The following FRMD6 variants were observed in gnomAD, a reference collection of about 807,000 sequenced individuals.
The protein encoded by FRMD6 is FERM domain containing 6.
Under a neutral mutation model 73.2 loss-of-function variants are expected in FRMD6, and 37 were observed. The ratio of observed to expected loss-of-function variants is 0.51; its 90% CI spans 0.39 to 0.66. The LOEUF (loss-of-function observed/expected upper bound fraction) is 0.66, where lower values mean the gene tolerates loss of function less well. Ranked by LOEUF, FRMD6 falls within the 30% of genes least tolerant of loss-of-function variation. The probability of loss-of-function intolerance (pLI) is 0.00; values close to 1 mark genes in which losing one functional copy is unlikely to be tolerated. For missense variants in FRMD6, 714 were observed against 780.5 expected (o/e 0.91, Z 1.02); for synonymous variants, 273 against 282.2 (o/e 0.97, Z 0.33).
At chr14:51,486,943 T>C (rs998918834), upstream of FRMD6, among the ~76,000 whole-genome samples, 4 of 152,112 alleles carry the variant, frequency 2.6e-5, no homozygotes, top group African/African-American at 9.7e-5. Flanking sequence ...ACCGTTTTTT[T>C]TTTTTTGTTT....
intron 1 of FRMD6, among the ~76,000 whole-genome samples, chr14:51,503,269 T>C (rs1018831358): frequency 5.9e-5 from 9 of 152,228 alleles, no homozygotes; most frequent in African/African-American, 2.2e-4. Context: ...ATTTTTGTCT[T>C]GTACTGGTTT....
chr14:51,512,179 C>G (rs898146634), intron 1 of FRMD6, among the ~76,000 whole-genome samples: 6 of 152,094 alleles, frequency 3.9e-5, no homozygotes, highest in Non-Finnish European at 5.9e-5. Flanking sequence ...AAAGGGTTGG[C>G]ATGCAGCTGG....
intron 2 of FRMD6, among the ~76,000 whole-genome samples, chr14:51,574,723 A>ATAGT (rs1888314867): frequency 6.6e-6 from 1 of 152,230 alleles, no homozygotes; most frequent in African/African-American, 2.4e-5. Flanking sequence ...GTACAAAAAT[A>ATAGT]TAGTTAGATA....
At chr14:51,706,982 T>C (rs1417630881) in intron 6 of FRMD6, among the ~76,000 whole-genome samples, 1 of 152,142 alleles carries the variant, frequency 6.6e-6, no homozygotes, top group Non-Finnish European at 1.5e-5. Flanking sequence ...GCTCATTGAA[T>C]ATTGATTATT....
chr14:51,432,983 A>G, the FRMD6 span, among the ~76,000 whole-genome samples: 1 of 152,240 alleles, frequency 6.6e-6, no homozygotes, highest in East Asian at 1.9e-4. Context: ...ACACTCACTC[A>G]TAATTAGAGG....
chr14:51,624,956 C>A (rs779363854), intron 2 of FRMD6, among the ~76,000 whole-genome samples: 12 of 152,120 alleles, frequency 7.9e-5, no homozygotes, highest in Non-Finnish European at 1.5e-4. Flanking sequence ...GGGAAAATGT[C>A]AAGTTGTCCA....
chr14:51,424,711 GTC>G, the FRMD6 span, among the ~76,000 whole-genome samples: 1 of 152,190 alleles, frequency 6.6e-6, no homozygotes, highest in Non-Finnish European at 1.5e-5. Context: ...AGGAATTTCT[GTC>G]TCTCATTCTT....
upstream of FRMD6, among the ~76,000 whole-genome samples, chr14:51,649,226 C>T (rs1892219817): frequency 6.6e-6 from 1 of 152,012 alleles, no homozygotes; most frequent in Non-Finnish European, 1.5e-5. Context: ...GTTTAAAATA[C>T]TTAGTTTGCA....
At chr14:51,607,896 C>T (rs1489268986) in intron 2 of FRMD6, among the ~76,000 whole-genome samples, 1 of 152,230 alleles carries the variant, frequency 6.6e-6, no homozygotes, top group Non-Finnish European at 1.5e-5. Flanking sequence ...TTTCCCATCT[C>T]ACAGTCACAG....
intron 2 of FRMD6, chr14:51,637,467 A>G (rs1467525): frequency 0.36 from 45,258 of 126,316 alleles, 7,111 homozygotes; most frequent in African/African-American, 0.47. Context: ...ACACACAGGC[A>G]CACACACACA....
chr14:51,416,602 TGTG>T, the FRMD6 span, among the ~76,000 whole-genome samples: 1 of 152,182 alleles, frequency 6.6e-6, no homozygotes, highest in African/African-American at 2.4e-5. Context: ...ATAAGTGCGA[TGTG>T]GTGCTGAGAA....
intron 1 of FRMD6, among the ~76,000 whole-genome samples, chr14:51,686,520 T>A (rs532992415): frequency 5.9e-5 from 9 of 152,180 alleles, no homozygotes; most frequent in African/African-American, 2.2e-4. Context: ...AAAGTTCCAG[T>A]GGGGGAATTG....
intron 2 of FRMD6, among the ~76,000 whole-genome samples, chr14:51,696,374 GATA>G (rs746339623): frequency 3.6e-4 from 54 of 150,856 alleles, no homozygotes; most frequent in Non-Finnish European, 4.9e-4. Context: ...ATTATTATGA[GATA>G]ATAATTATTA....
the FRMD6 span, among the ~76,000 whole-genome samples, chr14:51,470,193 G>A: frequency 1.3e-5 from 2 of 151,866 alleles, no homozygotes; most frequent in African/African-American, 2.4e-5. Flanking sequence ...ATCTAGCTAG[G>A]GGTTTGTCAA....
At chr14:51,713,517 C>T (rs1187227581) in intron 9 of FRMD6, 1 of 147,652 alleles carries the variant, frequency 6.8e-6, no homozygotes, top group Non-Finnish European at 1.5e-5. Context: ...GAAAAAAATA[C>T]ATGAGGAAAG....
upstream of FRMD6, chr14:51,649,744 A>C (rs1892248475): frequency 6.6e-6 from 1 of 152,142 alleles, no homozygotes; most frequent in Admixed American, 6.5e-5. Context: ...ACTTTAGTAC[A>C]TTAAGTACAG....
intron 2 of FRMD6, among the ~76,000 whole-genome samples, chr14:51,621,255 T>C (rs1414061017): frequency 1.3e-5 from 2 of 151,986 alleles, no homozygotes; most frequent in African/African-American, 4.8e-5. Context: ...AGTGGTGGAG[T>C]TGGATCCAGC....
At chr14:51,456,044 G>A in the FRMD6 span, among the ~76,000 whole-genome samples, 1 of 152,174 alleles carries the variant, frequency 6.6e-6, no homozygotes, top group Non-Finnish European at 1.5e-5. Flanking sequence ...GCATCCAGAC[G>A]CGGATAAAGT....
At chr14:51,656,430 C>T (rs1966185) in intron 1 of FRMD6, among the ~76,000 whole-genome samples, 144,104 of 149,770 alleles carry the variant, frequency 0.96, 69,356 homozygotes, top group East Asian at 1. Flanking sequence ...TTTTTTTTTT[C>T]TGAGGCGGAG....
Sources: allele counts gnomAD v4.1 joint callset (sites outside exome capture counted in the v4.1 genomes callset), GRCh38; gene constraint gnomAD v4.1.1; transcripts MANE v1.5; gene names NCBI Gene and HGNC (gene_info 2026-07-23, HGNC 2026-07-21).